The following TTBK2 variants were observed in gnomAD, a reference collection of about 807,000 sequenced individuals.
The protein encoded by TTBK2 is tau tubulin kinase 2.
In TTBK2, 28 loss-of-function variants were observed where a neutral mutation model predicts 110.8. That is an observed-to-expected ratio of 0.25 (90% CI 0.19 to 0.35). The LOEUF (loss-of-function observed/expected upper bound fraction) is 0.35. Among genes scored for constraint, TTBK2 ranks in the 10% least tolerant of loss-of-function variants. The probability of loss-of-function intolerance (pLI) is 1.00; values close to 1 mark genes in which losing one functional copy is unlikely to be tolerated. For synonymous variants in TTBK2, 532 were observed against 527.3 expected (o/e 1.01, Z -0.12); for missense variants, 1,369 against 1,500.3 (o/e 0.91, Z 1.45).
intron 1 of TTBK2, among the ~76,000 whole-genome samples, chr15:42,879,667 T>A (rs1894960789): frequency 6.6e-6 from 1 of 151,114 alleles, no homozygotes; most frequent in African/African-American, 2.4e-5. Flanking sequence ...TGGGCCAAAT[T>A]TGGCCTGCAG....
chr15:42,780,101 C>T (rs961135923), intron 11 of TTBK2, among the ~76,000 whole-genome samples: 4 of 151,454 alleles, frequency 2.6e-5, no homozygotes, highest in African/African-American at 9.7e-5. Flanking sequence ...TGGCTCACTG[C>T]AGCTTCTCCT....
At position 42,801,016 on chromosome 15, in the gene TTBK2, C is replaced by T. The variant is rs186858488; in HGVS notation, c.823-6215G>A. 256 of 764,744 alleles carry T rather than the reference C, an allele frequency of 3.3e-4. 2 individuals are homozygous for T. The Admixed American group carries it at 4.2e-3, about 12-fold the overall frequency. 47.4% of individuals were successfully genotyped at this position (764,744 alleles called of 1,614,324 possible). A position where few individuals can be genotyped will look rare whatever the true frequency, so the allele number is the denominator to read the frequency against. On this transcript the variant is annotated intron_variant, in intron 9 of 14. Coordinates refer to ENST00000267890, the MANE Select transcript of TTBK2 (RefSeq NM_173500.4). ...GACACTAGCTTCCCATCACGGGTTT[C>T]GATCTTCTTCATGACCACGGCCCTG...
chr15:42,789,043 T>C (rs189468226), intron 10 of TTBK2, among the ~76,000 whole-genome samples: 1,529 of 152,324 alleles, frequency 0.01, 26 homozygotes, highest in African/African-American at 0.035. Context: ...AATCTACTTA[T>C]TTAACAAAAA....
chr15:42,868,043 T>C (rs1322787055), intron 3 of TTBK2, among the ~76,000 whole-genome samples: 3 of 152,184 alleles, frequency 2.0e-5, no homozygotes, highest in Non-Finnish European at 2.9e-5. Context: ...CAATAGTGTA[T>C]GATTCTAAAT....
intron 1 of TTBK2, among the ~76,000 whole-genome samples, chr15:42,907,382 T>A (rs1361467752): frequency 6.6e-6 from 1 of 152,232 alleles, no homozygotes; most frequent in Non-Finnish European, 1.5e-5. Flanking sequence ...TGCACTCCCA[T>A]GTTTATTGCA....
At chr15:42,746,546 C>T (rs185762313) in intron 14 of TTBK2, among the ~76,000 whole-genome samples, 16 of 152,226 alleles carry the variant, frequency 1.1e-4, no homozygotes, top group Admixed American at 1.0e-3. Context: ...AAATGGTATT[C>T]GTTCCCTTCC....
At chr15:42,886,709 C>A (rs982858063) in intron 1 of TTBK2, among the ~76,000 whole-genome samples, 3 of 152,204 alleles carry the variant, frequency 2.0e-5, no homozygotes, top group African/African-American at 7.2e-5. Flanking sequence ...GAGAAAACCC[C>A]AGCCATATCT....
chr15:42,766,362 A>G (rs1239871119), intron 13 of TTBK2, among the ~76,000 whole-genome samples: 1 of 149,192 alleles, frequency 6.7e-6, no homozygotes, highest in African/African-American at 2.5e-5. Flanking sequence ...AGTGTGCTGT[A>G]TTCAGGAGAC....
chr15:42,824,783 G>A (rs1892457699), intron 6 of TTBK2, among the ~76,000 whole-genome samples: 1 of 152,020 alleles, frequency 6.6e-6, no homozygotes, highest in Non-Finnish European at 1.5e-5. Flanking sequence ...TTAGTAACCA[G>A]GTGATGAAAT....
rs947260312 is a variant in TTBK2, at chr15:42,744,335, T to C, written c.*1460A>G. 7 of 152,268 alleles carry C rather than the reference T, an allele frequency of 4.6e-5. No homozygotes were observed. The highest frequency in any genetic ancestry group is 7.4e-5 in the Non-Finnish European group (5 of 68,018). 9.4% of individuals were successfully genotyped at this position (152,268 alleles called of 1,614,324 possible). On this transcript the variant is annotated 3_prime_UTR_variant, in exon 15 of 15. Transcript: ENST00000267890. ...TCACTTGGGGAGGAAATGTATTCCT[T>C]TCTTTTTTTTTTGTTTCCCAATTCA...
At chr15:42,903,028 T>G (rs1596042676) in intron 1 of TTBK2, among the ~76,000 whole-genome samples, 1 of 152,028 alleles carries the variant, frequency 6.6e-6, no homozygotes, top group East Asian at 1.9e-4. Flanking sequence ...AGGGAATTCT[T>G]TTTAATTTTT....
At chr15:42,878,401 T>C in intron 2 of TTBK2, 148 bp downstream of exon 2, 2 of 1,466,498 alleles carry the variant, frequency 1.4e-6, no homozygotes, top group Non-Finnish European at 1.8e-6. Context: ...TAACTGTAAA[T>C]AACTGCTTTA....
intron 13 of TTBK2, among the ~76,000 whole-genome samples, chr15:42,762,504 G>A (rs1281174082): frequency 6.6e-6 from 1 of 152,150 alleles, no homozygotes; most frequent in Non-Finnish European, 1.5e-5. Context: ...GATCACCTGA[G>A]GTCAGAGTTC....
At position 42,742,040 on chromosome 15, in the gene TTBK2, T is replaced by C. The variant is rs1239965918; in HGVS notation, c.*3755A>G. Reference sequence around the variant, plus strand: ...ATAGAAGTATTAGCATAAAAATATGTGGCCTGGAAGGAATCTCTGAAGATA... The same window carrying C: ...ATAGAAGTATTAGCATAAAAATATGCGGCCTGGAAGGAATCTCTGAAGATA... On this transcript the variant is annotated 3_prime_UTR_variant, in exon 15 of 15. Transcript: ENST00000267890. 6.6e-6 allele frequency: 1 copy of C among 152,240 alleles called. No homozygotes were observed. The highest frequency in any genetic ancestry group is 1.5e-5 in the Non-Finnish European group (1 of 68,046). 9.4% of individuals were successfully genotyped at this position (152,240 alleles called of 1,614,324 possible).
intron 1 of TTBK2, among the ~76,000 whole-genome samples, chr15:42,880,975 T>C (rs1412771410): frequency 6.6e-6 from 1 of 151,854 alleles, no homozygotes; most frequent in African/African-American, 2.4e-5. Flanking sequence ...GTTTGTGCCA[T>C]AGTCACACAG....
intron 2 of TTBK2, among the ~76,000 whole-genome samples, 186 bp downstream of exon 2, chr15:42,878,363 G>A (rs1036863846): frequency 2.0e-5 from 3 of 151,996 alleles, no homozygotes; most frequent in African/African-American, 7.3e-5. Context: ...AAGAATTAGG[G>A]TATAAACAGA....
chr15:42,809,231 G>A lies in TTBK2; in HGVS notation c.822+1383C>T, dbSNP rs551555813. Among the ~76,000 whole-genome samples, 7 of 152,338 alleles carry A rather than the reference G, an allele frequency of 4.6e-5. No homozygotes were observed. In the East Asian group the frequency reaches 1.3e-3, roughly 29 times the overall value. On this transcript the variant is annotated intron_variant, in intron 9 of 14. Coordinates refer to ENST00000267890, the MANE Select transcript of TTBK2 (RefSeq NM_173500.4). Reference sequence around the variant, plus strand: ...AATCTGTGAAACAAAGTAATGTTATGCCTGTTCTCTTTCTTTCAAAAATGG... The same window carrying A: ...AATCTGTGAAACAAAGTAATGTTATACCTGTTCTCTTTCTTTCAAAAATGG...
chr15:42,910,562 C>T (rs549338972), intron 1 of TTBK2, among the ~76,000 whole-genome samples: 1 of 152,238 alleles, frequency 6.6e-6, no homozygotes, highest in South Asian at 2.1e-4. Context: ...AACATATGCT[C>T]ATTCAATAAA....
At chr15:42,880,806 G>A (rs1365430353) in intron 1 of TTBK2, among the ~76,000 whole-genome samples, 1 of 151,538 alleles carries the variant, frequency 6.6e-6, no homozygotes, top group Non-Finnish European at 1.5e-5. Flanking sequence ...ATGTTCAAGA[G>A]ACAAAAATTT....
Sources: gnomAD v4.1 joint callset for allele counts (sites outside exome capture counted in the v4.1 genomes callset) on GRCh38, gnomAD v4.1.1 for gene constraint, MANE v1.5 for transcripts, NCBI Gene and HGNC (gene_info 2026-07-23, HGNC 2026-07-21) for gene names.